The following ADAMTS3 variants were observed in gnomAD, a reference collection of about 807,000 sequenced individuals.
The protein encoded by ADAMTS3 is ADAM metallopeptidase with thrombospondin type 1 motif 3.
Under a neutral mutation model 129.0 loss-of-function variants are expected in ADAMTS3, and 73 were observed. That is an observed-to-expected ratio of 0.57 (90% CI 0.47 to 0.69). The LOEUF is 0.69. Ranked by LOEUF, ADAMTS3 falls within the 30% of genes least tolerant of loss-of-function variation. The pLI is 0.00. For synonymous variants in ADAMTS3, 477 were observed against 510.8 expected (o/e 0.93, Z 0.89); for missense variants, 1,457 against 1,514.5 (o/e 0.96, Z 0.63).
chr4:72,319,797 C>A, intron 8 of ADAMTS3, 61 bp downstream of exon 8: 1 of 1,347,116 alleles, frequency 7.4e-7, no homozygotes, highest in Admixed American at 1.8e-5. Flanking sequence ...GGAAACAATA[C>A]TGGGAGAAGC....
At chr4:72,518,285 G>T (rs972393874) in intron 3 of ADAMTS3, among the ~76,000 whole-genome samples, 5 of 152,066 alleles carry the variant, frequency 3.3e-5, no homozygotes. Context: ...AATAGGTGTG[G>T]TATGGTGCTG....
intron 3 of ADAMTS3, among the ~76,000 whole-genome samples, chr4:72,516,187 T>C (rs1720471330): frequency 6.6e-6 from 1 of 152,164 alleles, no homozygotes; most frequent in Non-Finnish European, 1.5e-5. Context: ...TTCTGTTCCA[T>C]TGTTCTATAT....
At chr4:72,509,277 A>T in intron 3 of ADAMTS3, among the ~76,000 whole-genome samples, 1 of 151,956 alleles carries the variant, frequency 6.6e-6, no homozygotes, top group East Asian at 1.9e-4. Flanking sequence ...TAAAGGTCGG[A>T]CCAGAAATAA....
At chr4:72,542,366 A>G (rs1465040774) in intron 3 of ADAMTS3, among the ~76,000 whole-genome samples, 1 of 151,988 alleles carries the variant, frequency 6.6e-6, no homozygotes, top group Admixed American at 6.5e-5. Flanking sequence ...GGGTTTCACC[A>G]CGTTAGCCAG....
intron 3 of ADAMTS3, among the ~76,000 whole-genome samples, chr4:72,429,681 G>T (rs535982679): frequency 1.5e-4 from 23 of 152,118 alleles, no homozygotes; most frequent in Non-Finnish European, 2.2e-4. Context: ...CTCCTAAAAA[G>T]ATAAGCTAGA....
intron 3 of ADAMTS3, among the ~76,000 whole-genome samples, chr4:72,537,240 G>A (rs181395570): frequency 9.2e-5 from 14 of 152,262 alleles, no homozygotes; most frequent in Admixed American, 8.5e-4. Context: ...GGGCAAAAAG[G>A]GCCTTGTTCT....
At chr4:72,332,725 T>C (rs75702808) in intron 5 of ADAMTS3, among the ~76,000 whole-genome samples, 2,787 of 152,242 alleles carry the variant, frequency 0.018, 36 homozygotes, top group Middle Eastern at 0.048. Flanking sequence ...ATTTGGTACA[T>C]TGAACGAAAA....
chr4:72,360,970 G>A (rs1266516182), intron 4 of ADAMTS3, among the ~76,000 whole-genome samples: 1 of 151,992 alleles, frequency 6.6e-6, no homozygotes, highest in Non-Finnish European at 1.5e-5. Context: ...CAGTGGTTCT[G>A]GAAACTGCTC....
In ADAMTS3 at chr4:72,537,123, G is replaced by A. The variant is rs1391663414; in HGVS notation, c.504+11355C>T. On this transcript the variant is annotated intron_variant, in intron 3 of 21. Coordinates refer to ENST00000286657, the MANE Select transcript of ADAMTS3 (RefSeq NM_014243.3). ...TTACAGTTAATTTTAGTCAACTTCA[G>A]CTCTTAGCACAGTAGCAGTTACCAG... is the stretch of plus-strand genomic sequence containing the variant. 2.6e-5 allele frequency among the ~76,000 whole-genome samples: 4 copies of A among 152,170 alleles called. No homozygotes were observed. The East Asian group carries it at 7.7e-4, about 29-fold the overall frequency.
chr4:72,480,354 A>G (rs932886347), intron 3 of ADAMTS3, among the ~76,000 whole-genome samples: 2 of 152,242 alleles, frequency 1.3e-5, no homozygotes, highest in Non-Finnish European at 2.9e-5. Flanking sequence ...ACCATGGAAT[A>G]CTATGCAGCC....
intron 3 of ADAMTS3, among the ~76,000 whole-genome samples, chr4:72,453,884 T>C (rs1384711425): frequency 6.7e-6 from 1 of 148,422 alleles, no homozygotes; most frequent in Non-Finnish European, 1.5e-5. Flanking sequence ...TATATTATAC[T>C]ATATTATATT....
At chr4:72,547,714 GAAT>G (rs1260477194) in intron 3 of ADAMTS3, among the ~76,000 whole-genome samples, 5 of 151,954 alleles carry the variant, frequency 3.3e-5, no homozygotes, top group East Asian at 1.9e-4. Context: ...CTAATTACTA[GAAT>G]AATAAAATGA....
intron 2 of ADAMTS3, among the ~76,000 whole-genome samples, chr4:72,559,308 A>G (rs1215899971): frequency 6.6e-6 from 1 of 151,798 alleles, no homozygotes; most frequent in East Asian, 1.9e-4. Context: ...AAGGTGTAAG[A>G]AGTAAAAGAG....
At chr4:72,561,798 G>A (rs1721910946) in intron 2 of ADAMTS3, among the ~76,000 whole-genome samples, 1 of 152,112 alleles carries the variant, frequency 6.6e-6, no homozygotes, top group African/African-American at 2.4e-5. Flanking sequence ...ACCTTTTCAT[G>A]CTGCTCACAA....
In ADAMTS3 at chr4:72,433,376, AT is replaced by A. The variant is rs751649814; in HGVS notation, c.505-18406del. Among the ~76,000 whole-genome samples, 7 of 152,046 alleles carry A rather than the reference AT, an allele frequency of 4.6e-5. No homozygotes were observed. In the East Asian group the frequency reaches 1.4e-3, roughly 30 times the overall value. ...TCATATTCTTGTTCTGAGATGCATTATCAAATATGTAACATTCTAAAGAAAG... is the reference window on the plus strand; with the variant it reads ...TCATATTCTTGTTCTGAGATGCATTACAAATATGTAACATTCTAAAGAAAG... On this transcript the variant is annotated intron_variant, in intron 3 of 21. Transcript: ENST00000286657.
At position 72,298,440 on chromosome 4, in the gene ADAMTS3, A is replaced by G; in HGVS notation, c.2427T>C (p.Ile809=). ...AGCGGGTATCATTTTCTTGAGGTAT[A>G]ATCTAACATACACATGAAATCAATA... ...GPLHDPVIVL[I]IPQENDTRSS... The change falls in exon 18 of 22, where the codon ATT becomes ATC. Residue 809 remains isoleucine (I), a splice_region_variant and synonymous_variant. Transcript: ENST00000286657. The G allele has an allele frequency of 6.3e-7, 1 of 1,597,262 alleles. No individual in the cohort carries two copies. Among genetic ancestry groups the G allele is most frequent in the Non-Finnish European group, 8.6e-7 (1 of 1,169,374 alleles).
chr4:72,394,619 C>A (rs1016708700), intron 4 of ADAMTS3, among the ~76,000 whole-genome samples: 5 of 152,124 alleles, frequency 3.3e-5, no homozygotes, highest in Non-Finnish European at 7.3e-5. Flanking sequence ...CTTTCAAATA[C>A]AAAAGTATTC....
At chr4:72,320,936 C>T (rs897744716) in intron 6 of ADAMTS3, 66 bp from the exon 7 acceptor site, 1 of 1,500,004 alleles carries the variant, frequency 6.7e-7, no homozygotes, top group Non-Finnish European at 9.0e-7. Context: ...TGATAATTTC[C>T]TCTGAAGCTG....
intron 3 of ADAMTS3, among the ~76,000 whole-genome samples, chr4:72,478,707 A>C (rs1309231074): frequency 6.6e-6 from 1 of 151,890 alleles, no homozygotes; most frequent in Non-Finnish European, 1.5e-5. Flanking sequence ...ATTAGGCAGG[A>C]GAAGGAAATA....
Sources: gnomAD v4.1 joint callset for allele counts (sites outside exome capture counted in the v4.1 genomes callset) on GRCh38, gnomAD v4.1.1 for gene constraint, MANE v1.5 for transcripts, NCBI Gene and HGNC (gene_info 2026-07-23, HGNC 2026-07-21) for gene names.